TBC1D22A: variants seen among roughly 807,000 people sequenced by gnomAD.
TBC1D22A encodes TBC1 domain family member 22A, also known as putative GTPase activator.
A neutral mutation model predicts 60.2 loss-of-function variants in TBC1D22A; 38 were observed. That is an observed-to-expected ratio of 0.63 (90% CI 0.49 to 0.83). TBC1D22A has a LOEUF of 0.83. Among genes scored for constraint, TBC1D22A ranks in the 40% least tolerant of loss-of-function variants. The pLI, the probability that TBC1D22A is intolerant of heterozygous loss-of-function variation, is 0.00. For missense variants in TBC1D22A, 628 were observed against 701.0 expected (o/e 0.90, Z 1.18); for synonymous variants, 302 against 281.7 (o/e 1.07, Z -0.72).
chr22:46,797,621 G>A lies in TBC1D22A; in HGVS notation c.637+1G>A. The A allele has an allele frequency of 6.2e-7, 1 of 1,602,636 alleles. No individual in the cohort carries two copies. On this transcript the variant is annotated splice_donor_variant, in intron 4 of 12. Coordinates refer to ENST00000337137, the MANE Select transcript of TBC1D22A (RefSeq NM_014346.5). LOFTEE classifies it high-confidence loss of function. ...CTTGCCGGCCCCAACACGGACCTTG[G>A]TAAGCACCCTGCCCTCTGGAGGACA...
intron 11 of TBC1D22A, among the ~76,000 whole-genome samples, chr22:47,093,976 C>T (rs2065077707): frequency 6.6e-6 from 1 of 152,184 alleles, no homozygotes; most frequent in African/African-American, 2.4e-5. Context: ...TTAAATGCAT[C>T]TCCCTGACTG....
chr22:46,973,148 C>T (rs531105601), intron 8 of TBC1D22A, among the ~76,000 whole-genome samples: 136 of 152,306 alleles, frequency 8.9e-4, no homozygotes, highest in Non-Finnish European at 1.6e-3. Flanking sequence ...GGAAGCAGCG[C>T]GATGGGATAG....
rs117017610 is a variant in TBC1D22A, at chr22:47,124,286, C to T, written c.1425+12683C>T. 7.5e-3 allele frequency among the ~76,000 whole-genome samples: 1,142 copies of T among 152,258 alleles called. 31 individuals carry two copies. Among genetic ancestry groups the T allele is most frequent in the Admixed American group, 0.047 (717 of 15,304 alleles). Reference sequence around the variant, plus strand: ...GATGTGCAGGGTTCAGAGGGAAGGGCGCCGTGGGAGCTGGGACCTGGGCTC... The same window carrying T: ...GATGTGCAGGGTTCAGAGGGAAGGGTGCCGTGGGAGCTGGGACCTGGGCTC... On this transcript the variant is annotated intron_variant, in intron 12 of 12. Coordinates refer to ENST00000337137, the MANE Select transcript of TBC1D22A (RefSeq NM_014346.5).
At chr22:46,789,479 A>C in intron 1 of TBC1D22A, 4 of 350,162 alleles carry the variant, frequency 1.1e-5, no homozygotes, top group Non-Finnish European at 6.3e-6. Flanking sequence ...TTTGTGAGTA[A>C]ACTGTAAGGG....
At chr22:47,106,892 C>CCCTGCA (rs2065656541) in intron 11 of TBC1D22A, among the ~76,000 whole-genome samples, 1 of 152,210 alleles carries the variant, frequency 6.6e-6, no homozygotes, top group African/African-American at 2.4e-5. Context: ...GAGATCATGC[C>CCCTGCA]CCTGCACTCC....
rs143799854 is a variant in TBC1D22A, at chr22:46,951,452, C to G, written c.1016-22838C>G. On this transcript the variant is annotated intron_variant, in intron 8 of 12. Transcript: ENST00000337137. ...TTTTCAAAGAATAATCAAGAGCATG[C>G]AGGATTGCCCGGGGCAGTGAGTACT... Among the ~76,000 whole-genome samples, 3 of 152,312 alleles carry G rather than the reference C, an allele frequency of 2.0e-5. No homozygotes were observed. The East Asian group carries it at 5.8e-4, about 29-fold the overall frequency.
chr22:46,852,952 G>A (rs973212886), intron 4 of TBC1D22A, among the ~76,000 whole-genome samples: 1 of 152,284 alleles, frequency 6.6e-6, no homozygotes, highest in Non-Finnish European at 1.5e-5. Context: ...GTCCCCTGGC[G>A]CTCTTGTGGG....
chr22:47,129,200 C>T (rs1040092322), intron 12 of TBC1D22A, among the ~76,000 whole-genome samples: 3 of 152,178 alleles, frequency 2.0e-5, no homozygotes, highest in Non-Finnish European at 2.9e-5. Context: ...GCTGTTGGCC[C>T]GGGCATGGTG....
chr22:47,005,486 A>C (rs947518396), intron 10 of TBC1D22A, among the ~76,000 whole-genome samples: 2 of 151,612 alleles, frequency 1.3e-5, no homozygotes, highest in Non-Finnish European at 2.9e-5. Flanking sequence ...GCATACCTAC[A>C]CACACCTAGA....
At chr22:46,935,551 A>G (rs2071598507) in intron 8 of TBC1D22A, among the ~76,000 whole-genome samples, 1 of 152,198 alleles carries the variant, frequency 6.6e-6, no homozygotes. Context: ...AATGGATTCA[A>G]AGCTCGAAGT....
chr22:46,976,608 C>T (rs1244243743), intron 9 of TBC1D22A, among the ~76,000 whole-genome samples: 1 of 152,250 alleles, frequency 6.6e-6, no homozygotes, highest in Admixed American at 6.5e-5. Context: ...GCTTCTGCCT[C>T]TTAGCTCCTT....
At chr22:46,846,895 G>A (rs946132045) in intron 4 of TBC1D22A, among the ~76,000 whole-genome samples, 5 of 151,980 alleles carry the variant, frequency 3.3e-5, no homozygotes, top group South Asian at 2.1e-4. Context: ...CTTTCTGTAC[G>A]TCAGTATACA....
intron 11 of TBC1D22A, among the ~76,000 whole-genome samples, chr22:47,105,072 A>G (rs936756956): frequency 7.2e-5 from 11 of 152,094 alleles, no homozygotes; most frequent in Admixed American, 4.6e-4. Flanking sequence ...GGGCTGTATC[A>G]TCGGCCATGG....
chr22:47,063,209 C>G (rs2063639970), intron 11 of TBC1D22A, among the ~76,000 whole-genome samples: 1 of 152,036 alleles, frequency 6.6e-6, no homozygotes, highest in South Asian at 2.1e-4. Context: ...CTCCAGGGTT[C>G]CCAATCTCAT....
At chr22:46,840,240 A>G (rs997896482) in intron 4 of TBC1D22A, among the ~76,000 whole-genome samples, 1 of 152,216 alleles carries the variant, frequency 6.6e-6, no homozygotes, top group Admixed American at 6.5e-5. Context: ...AGCTCAAACA[A>G]CTCAACAGCA....
At chr22:47,095,106 A>G (rs527246585) in intron 11 of TBC1D22A, among the ~76,000 whole-genome samples, 53 of 152,274 alleles carry the variant, frequency 3.5e-4, no homozygotes, top group Non-Finnish European at 6.6e-4. Context: ...GTTGGCGTGA[A>G]TTTTAAAATG....
At chr22:46,996,975 A>C (rs570806254) in intron 9 of TBC1D22A, among the ~76,000 whole-genome samples, 87 of 152,332 alleles carry the variant, frequency 5.7e-4, no homozygotes, top group Admixed American at 2.5e-3. Context: ...GTTACTTGCC[A>C]AGGTCACACA....
intron 10 of TBC1D22A, among the ~76,000 whole-genome samples, chr22:47,021,691 C>G (rs2062095260): frequency 6.6e-6 from 1 of 152,236 alleles, no homozygotes; most frequent in Non-Finnish European, 1.5e-5. Flanking sequence ...GAGACTGTGA[C>G]CCATACAGAC....
chr22:47,090,143 G>T (rs1046541131), intron 11 of TBC1D22A, among the ~76,000 whole-genome samples: 1 of 152,198 alleles, frequency 6.6e-6, no homozygotes, highest in African/African-American at 2.4e-5. Flanking sequence ...CAGCAAAGTG[G>T]TTCTCCAGCT....
Sources: gnomAD v4.1 joint callset for allele counts (sites outside exome capture counted in the v4.1 genomes callset) on GRCh38, gnomAD v4.1.1 for gene constraint, MANE v1.5 for transcripts, NCBI Gene and HGNC (gene_info 2026-07-23, HGNC 2026-07-21) for gene names.